The following SLC52A2 variants were observed in gnomAD, a reference collection of about 807,000 sequenced individuals.
SLC52A2 encodes solute carrier family 52 member 2.
Under a neutral mutation model 24.8 loss-of-function variants are expected in SLC52A2, and 16 were observed. The ratio of observed to expected loss-of-function variants is 0.64; its 90% CI spans 0.44 to 0.98. The LOEUF (loss-of-function observed/expected upper bound fraction) is 0.98. Ranked by LOEUF, SLC52A2 falls within the 50% of genes least tolerant of loss-of-function variation. The pLI, the probability that SLC52A2 is intolerant of heterozygous loss-of-function variation, is 0.00. For synonymous variants in SLC52A2, 335 were observed against 276.3 expected (o/e 1.21, Z -2.11); for missense variants, 612 against 575.9 (o/e 1.06, Z -0.64).
chr8:144,359,078 C>T lies in SLC52A2; in HGVS notation c.-111+13C>T. 1 of 658,784 alleles carries T rather than the reference C, an allele frequency of 1.5e-6. No individual in the cohort carries two copies. The highest frequency in any genetic ancestry group is 1.8e-5 in the African/African-American group (1 of 54,670). 40.8% of individuals were successfully genotyped at this position (658,784 alleles called of 1,614,324 possible). ...GCGGTCCCGCTGGGTACGTTTTAGC[C>T]AATCCTCCCCATCTGCGCTCCTGCC... On this transcript the variant is annotated intron_variant, in intron 1 of 4. Transcript: ENST00000643944.
Position 144,360,972 on chromosome 8 carries a change from T to C in SLC52A2, c.1295T>C (p.Val432Ala). Reference sequence around the variant, plus strand: ...TTCCCCCCGACCAGCATCTATCACGTGTTCCACAGCAGAAAGGACTGTGCA... The same window carrying C: ...TTCCCCCCGACCAGCATCTATCACGCGTTCCACAGCAGAAAGGACTGTGCA... ...AMFPPTSIYH[V>A]FHSRKDCADP... The change falls in exon 5 of 5, where the codon GTG (valine) becomes GCG (alanine). Residue 432 changes from valine (V) to alanine (A), a missense_variant. Val to Ala is a moderately conservative substitution (Grantham distance 64). Coordinates refer to ENST00000643944, the MANE Select transcript of SLC52A2 (RefSeq NM_001363118.2). 1 of 1,613,536 alleles carries C rather than the reference T, an allele frequency of 6.2e-7. No homozygotes were observed. The highest frequency in any genetic ancestry group is 8.5e-7 in the Non-Finnish European group (1 of 1,179,978).
In SLC52A2 at chr8:144,360,612, C is replaced by T. The variant is rs531845498; in HGVS notation, c.1024C>T (p.Leu342Phe). ...CAGGTCCTTGGCAGGGCTGGGCGGCCTCTCTCTGCTGGGCGTGTTCTGTGG... is the reference window on the plus strand; with the variant it reads ...CAGGTCCTTGGCAGGGCTGGGCGGCTTCTCTCTGCTGGGCGTGTTCTGTGG... ...LCRSLAGLGG[L>F]SLLGVFCGGY... The change falls in exon 4 of 5, where the codon CTC becomes TTC. Residue 342 changes from leucine to phenylalanine, a missense_variant. Coordinates refer to ENST00000643944, the MANE Select transcript of SLC52A2 (RefSeq NM_001363118.2). 3.4e-5 allele frequency: 54 copies of T among 1,602,872 alleles called. No individual in the cohort carries two copies. Among genetic ancestry groups the T allele is most frequent in the African/African-American group, 9.3e-5 (7 of 75,040 alleles).
chr8:144,359,607 C>T lies in SLC52A2; in HGVS notation c.131-16C>T, dbSNP rs2130636815. 6.2e-7 allele frequency: 1 copy of T among 1,609,010 alleles called. No individual in the cohort carries two copies. The highest frequency in any genetic ancestry group is 8.5e-7 in the Non-Finnish European group (1 of 1,176,550). On this transcript the variant is annotated splice_polypyrimidine_tract_variant and intron_variant, in intron 2 of 4. Transcript: ENST00000643944. ...GGGCATCATGACCCTGACATGGCCT[C>T]CTCCCTTCCCTGCAGGTTGGAGCCT... is the stretch of plus-strand genomic sequence containing the variant.
Position 144,360,037 on chromosome 8 carries a change from G to A in SLC52A2, c.545G>A (p.Gly182Asp), listed in dbSNP as rs1818739205. Reference sequence around the variant, plus strand: ...CCAGCCCCCATCAACGGCACCCCTGGCCCCCCGCTCGACTTCCTTGAGCGT... The same window carrying A: ...CCAGCCCCCATCAACGGCACCCCTGACCCCCCGCTCGACTTCCTTGAGCGT... ...CPPAPINGTP[G>D]PPLDFLERFP... The change falls in exon 3 of 5, where the codon GGC (glycine) becomes GAC (aspartate). Residue 182 changes from glycine to aspartate, a missense_variant. Transcript: ENST00000643944. The A allele has an allele frequency of 6.2e-7, 1 of 1,612,756 alleles. No individual in the cohort carries two copies. Among genetic ancestry groups the A allele is most frequent in the Admixed American group, 1.7e-5 (1 of 60,012 alleles).
rs782168938 is a variant in SLC52A2 at position 144,360,829 on chromosome 8, C to T, written c.1152C>T (p.Gly384=). Reference sequence around the variant, plus strand: ...TGCTGTCGTGGGTGCTGTGTCTTGGCGTGTTCTCCTACGTGAAGGTGGCAG... The same window carrying T: ...TGCTGTCGTGGGTGCTGTGTCTTGGTGTGTTCTCCTACGTGAAGGTGGCAG... ...LVVLSWVLCL[G]VFSYVKVAAS... The change falls in exon 5 of 5, where the codon GGC becomes GGT. Residue 384 remains glycine (G), a synonymous_variant. Coordinates refer to ENST00000643944, the MANE Select transcript of SLC52A2 (RefSeq NM_001363118.2). 1.1e-5 allele frequency: 17 copies of T among 1,613,122 alleles called. No homozygotes were observed. The highest frequency in any genetic ancestry group is 1.6e-4 in the Middle Eastern group (1 of 6,082).
chr8:144,359,678 G>A lies in SLC52A2; in HGVS notation c.186G>A (p.Leu62=). 1.2e-6 allele frequency: 2 copies of A among 1,613,782 alleles called. No individual in the cohort carries two copies. Among genetic ancestry groups the A allele is most frequent in the Non-Finnish European group, 1.7e-6 (2 of 1,179,992 alleles). ...SVLVALGNLG[L]LVVTLWRRLA... ...TTGTGGCTCTGGGGAACCTGGGTCTGCTGGTGGTGACCCTCTGGAGGAGGC... is the reference window on the plus strand; with the variant it reads ...TTGTGGCTCTGGGGAACCTGGGTCTACTGGTGGTGACCCTCTGGAGGAGGC... Residue 62 remains leucine, a synonymous_variant, in exon 3 of 5, where the codon CTG becomes CTA. Coordinates refer to ENST00000643944, the MANE Select transcript of SLC52A2 (RefSeq NM_001363118.2).
Position 144,359,656 on chromosome 8 carries a change from T to C in SLC52A2, c.164T>C (p.Val55Ala), listed in dbSNP as rs1554853854. ...CTCCCCTCTTACGTCTCTGTGCTTG[T>C]GGCTCTGGGGAACCTGGGTCTGCTG... Reference protein sequence around the residue: ...WSLPSYVSVLVALGNLGLLVV... With the variant: ...WSLPSYVSVLAALGNLGLLVV... Residue 55 changes from valine to alanine, a missense_variant, in exon 3 of 5, where the codon GTG (valine) becomes GCG (alanine). Coordinates refer to ENST00000643944, the MANE Select transcript of SLC52A2 (RefSeq NM_001363118.2). 2.5e-6 allele frequency: 4 copies of C among 1,613,882 alleles called. No homozygotes were observed. The highest frequency in any genetic ancestry group is 2.5e-6 in the Non-Finnish European group (3 of 1,179,966).
At position 144,361,221 on chromosome 8, in the gene SLC52A2, C is replaced by T. The variant is rs1166049688; in HGVS notation, c.*206C>T. On this transcript the variant is annotated 3_prime_UTR_variant, in exon 5 of 5. Coordinates refer to ENST00000643944, the MANE Select transcript of SLC52A2 (RefSeq NM_001363118.2). Reference sequence around the variant, plus strand: ...GACCAGTGGGGGCTGTAGGGTAAGCCCCTGAGCCTGGGACCTACATGTGGT... The same window carrying T: ...GACCAGTGGGGGCTGTAGGGTAAGCTCCTGAGCCTGGGACCTACATGTGGT... 3.4e-6 allele frequency: 2 copies of T among 582,754 alleles called. No homozygotes were observed. Among genetic ancestry groups the T allele is most frequent in the East Asian group, 2.8e-5 (1 of 35,386 alleles). 36.1% of individuals were successfully genotyped at this position (582,754 alleles called of 1,614,324 possible).
intron 2 of SLC52A2, 82 bp downstream of exon 2, chr8:144,359,505 C>T: frequency 6.2e-7 from 1 of 1,612,728 alleles, no homozygotes; most frequent in Non-Finnish European, 8.5e-7. Flanking sequence ...CTGTGGTGGT[C>T]AGAGAGCTTC....
Position 144,360,681 on chromosome 8 carries a change from CT to C in SLC52A2, c.1094del (p.Leu365ArgfsTer25), listed in dbSNP as rs1564657463. On this transcript the variant is annotated frameshift_variant, in exon 4 of 5. Transcript: ENST00000643944. LOFTEE classifies it low-confidence loss of function (END_TRUNC). ...ALAVLSPCPP[L>X]VGTSAGVVLV... ...GGCAGTCCTGAGCCCCTGCCCGCCC[CT>C]GGTGGGCACCTCGGCGGGGGTGGTC... 6.2e-7 allele frequency: 1 copy of C among 1,603,952 alleles called. No individual in the cohort carries two copies.
Position 144,358,633 on chromosome 8 carries a change from C to A in SLC52A2, c.-543C>A, listed in dbSNP as rs575502265. 1.5e-6 allele frequency: 1 copy of A among 661,414 alleles called. No homozygotes were observed. The highest frequency in any genetic ancestry group is 2.1e-6 in the Non-Finnish European group (1 of 470,494). 41.0% of individuals were successfully genotyped at this position (661,414 alleles called of 1,614,324 possible). On this transcript the variant is annotated 5_prime_UTR_variant, in exon 1 of 5. Transcript: ENST00000643944. ...CGGGTGAGTCGGGTCGTGGCTGCTG[C>A]CGGGTCCTGCGCGCTCCGGACTGAG...
In SLC52A2 at chr8:144,359,858, A is replaced by G; in HGVS notation, c.366A>G (p.Ala122=). 6.2e-7 allele frequency: 1 copy of G among 1,613,680 alleles called. No individual in the cohort carries two copies. The highest frequency in any genetic ancestry group is 2.2e-5 in the East Asian group (1 of 44,882). The stretch of plus-strand genomic sequence containing the variant: ...TCTTAGCACTGGCCTTTGTGCTGGC[A>G]CTGGCATGCTGTGCCTCGAATGTCA... ...VAFLALAFVL[A]LACCASNVTF... The change falls in exon 3 of 5, where the codon GCA becomes GCG. Residue 122 remains alanine (A), a synonymous_variant. Coordinates refer to ENST00000643944, the MANE Select transcript of SLC52A2 (RefSeq NM_001363118.2).
In SLC52A2 at chr8:144,360,604, T is replaced by C. The variant is rs148234606; in HGVS notation, c.1016T>C (p.Leu339Pro). 1.8e-4 allele frequency: 283 copies of C among 1,601,890 alleles called. No individual in the cohort carries two copies. The highest frequency in any genetic ancestry group is 2.3e-4 in the Non-Finnish European group (274 of 1,178,934). The change falls in exon 4 of 5, where the codon CTG becomes CCG. Residue 339 changes from leucine (L) to proline (P), a missense_variant. Leu to Pro is a moderately conservative substitution (Grantham distance 98). Transcript: ENST00000643944. Reference protein sequence around the residue: ...MGVLCRSLAGLGGLSLLGVFC... With the variant: ...MGVLCRSLAGPGGLSLLGVFC... ...GCTCACTGCAGGTCCTTGGCAGGGCTGGGCGGCCTCTCTCTGCTGGGCGTG... is the reference window on the plus strand; with the variant it reads ...GCTCACTGCAGGTCCTTGGCAGGGCCGGGCGGCCTCTCTCTGCTGGGCGTG...
chr8:144,359,984 G>A lies in SLC52A2; in HGVS notation c.492G>A (p.Val164=), dbSNP rs782532327. 1 of 1,613,050 alleles carries A rather than the reference G, an allele frequency of 6.2e-7. No homozygotes were observed. Among genetic ancestry groups the A allele is most frequent in the South Asian group, 1.1e-5 (1 of 91,090 alleles). Residue 164 remains valine, a synonymous_variant, in exon 3 of 5, where the codon GTG becomes GTA. Coordinates refer to ENST00000643944, the MANE Select transcript of SLC52A2 (RefSeq NM_001363118.2). ...TGCTGCCCTGCGTGCTGGCCCTAGTGCAGGGTGTGGGCCGCCTCGAGTGCC... is the reference window on the plus strand; with the variant it reads ...TGCTGCCCTGCGTGCTGGCCCTAGTACAGGGTGTGGGCCGCCTCGAGTGCC... ...SALLPCVLAL[V]QGVGRLECPP...
chr8:144,361,228 C>T lies in SLC52A2; in HGVS notation c.*213C>T. ...GGGGGCTGTAGGGTAAGCCCCTGAG[C>T]CTGGGACCTACATGTGGTTTGCGTA... On this transcript the variant is annotated 3_prime_UTR_variant, in exon 5 of 5. Transcript: ENST00000643944. 1.7e-6 allele frequency: 1 copy of T among 574,042 alleles called. No homozygotes were observed. The highest frequency in any genetic ancestry group is 2.3e-5 in the South Asian group (1 of 43,964). 35.6% of individuals were successfully genotyped at this position (574,042 alleles called of 1,614,324 possible). A position where few individuals can be genotyped will look rare whatever the true frequency, so the allele number is the denominator to read the frequency against.
In SLC52A2 at chr8:144,358,641, T is replaced by C; in HGVS notation, c.-535T>C. On this transcript the variant is annotated 5_prime_UTR_variant, in exon 1 of 5. Transcript: ENST00000643944. ...TCGGGTCGTGGCTGCTGCCGGGTCC[T>C]GCGCGCTCCGGACTGAGGTGGCGTC... The C allele has an allele frequency of 1.6e-6, 1 of 609,904 alleles. No homozygotes were observed. Among genetic ancestry groups the C allele is most frequent in the South Asian group, 8.7e-5 (1 of 11,512 alleles). 37.8% of individuals were successfully genotyped at this position (609,904 alleles called of 1,614,324 possible).
intron 3 of SLC52A2, 48 bp from the exon 4 acceptor site, chr8:144,360,542 G>A: frequency 6.3e-7 from 1 of 1,580,532 alleles, no homozygotes; most frequent in South Asian, 1.1e-5. Flanking sequence ...AGGGCTAGGA[G>A]CCAGGTCCTG....
Position 144,358,860 on chromosome 8 carries a change from G to A in SLC52A2, c.-316G>A. 1 of 213,340 alleles carries A rather than the reference G, an allele frequency of 4.7e-6. No homozygotes were observed. The highest frequency in any genetic ancestry group is 1.0e-4 in the East Asian group (1 of 9,718). The allele number at this position is 213,340 out of a possible 1,614,324, so 13.2% of individuals were successfully genotyped here. On this transcript the variant is annotated 5_prime_UTR_variant, in exon 1 of 5. Coordinates refer to ENST00000643944, the MANE Select transcript of SLC52A2 (RefSeq NM_001363118.2). Reference sequence around the variant, plus strand: ...GGGATCTGACTTGGCTCTTGCGGTCGCGGGCACCGTGAAGCCCTGGGGTGT... The same window carrying A: ...GGGATCTGACTTGGCTCTTGCGGTCACGGGCACCGTGAAGCCCTGGGGTGT...
rs781986043 is a variant in SLC52A2, at chr8:144,359,643, G to A, written c.151G>A (p.Val51Ile). ...LPEGWSLPSY[V>I]SVLVALGNLG... Reference sequence around the variant, plus strand: ...TGCAGGTTGGAGCCTCCCCTCTTACGTCTCTGTGCTTGTGGCTCTGGGGAA... The same window carrying A: ...TGCAGGTTGGAGCCTCCCCTCTTACATCTCTGTGCTTGTGGCTCTGGGGAA... The change falls in exon 3 of 5, where the codon GTC becomes ATC. Residue 51 changes from valine to isoleucine, a missense_variant. By Grantham distance (29) the Val-to-Ile change is conservative. Transcript: ENST00000643944. 29 of 1,613,446 alleles carry A rather than the reference G, an allele frequency of 1.8e-5. No homozygotes were observed. The highest frequency in any genetic ancestry group is 3.3e-4 in the Middle Eastern group (2 of 6,078).
Sources: allele counts gnomAD v4.1 joint callset, GRCh38; gene constraint gnomAD v4.1.1; transcripts MANE v1.5; gene names NCBI Gene and HGNC (gene_info 2026-07-23, HGNC 2026-07-21).